Variants in SCN3A observed in about 807,000 individuals in gnomAD.
SCN3A encodes the protein sodium channel protein type 3 subunit alpha.
Under a neutral mutation model 187.6 loss-of-function variants are expected in SCN3A, and 60 were observed. The ratio of observed to expected loss-of-function variants is 0.32; its 90% CI spans 0.26 to 0.40. SCN3A has a LOEUF of 0.40. SCN3A is among the 10% of genes least tolerant of loss of function. The pLI, the probability that SCN3A is intolerant of heterozygous loss-of-function variation, is 1.00. For missense variants in SCN3A, 1,601 were observed against 2,428.2 expected, an observed-to-expected ratio of 0.66 and a Z score of 7.16; for synonymous variants, 788 against 829.2, an observed-to-expected ratio of 0.95 and a Z score of 0.85.
rs1392430935 is a variant in SCN3A at position 165,113,865 on chromosome 2, C to G, written c.3620G>C (p.Trp1207Ser). The G allele has an allele frequency of 6.2e-7, 1 of 1,613,902 alleles. No individual in the cohort carries two copies. Among genetic ancestry groups the G allele is most frequent in the Admixed American group, 1.7e-5 (1 of 59,998 alleles). ...CATGAACACAATGAAAGTCTCAAACCAGTTGTGCTCAACAATACTGTAGCA... is the reference window on the plus strand; with the variant it reads ...CATGAACACAATGAAAGTCTCAAACGAGTTGTGCTCAACAATACTGTAGCA... The part of the protein sequence containing the change: ...KTCYSIVEHN[W>S]FETFIVFMIL... The change falls in exon 20 of 28, where the codon TGG (tryptophan) becomes TCG (serine). Residue 1207 changes from tryptophan to serine, a missense_variant. This residue lies in a region of SCN3A where 267 missense variants were observed against 313.2 expected (regional missense o/e 0.85). Coordinates refer to ENST00000283254, the MANE Select transcript of SCN3A (RefSeq NM_006922.4).
At chr2:165,153,262 A>G (rs1020772281) in intron 11 of SCN3A, among the ~76,000 whole-genome samples, 3 of 152,172 alleles carry the variant, frequency 2.0e-5, no homozygotes, top group Non-Finnish European at 2.9e-5. Context: ...GTGAATCTCA[A>G]CATATCACTC....
intron 12 of SCN3A, among the ~76,000 whole-genome samples, chr2:165,145,828 G>A (rs777518957): frequency 1.3e-5 from 2 of 152,072 alleles, no homozygotes; most frequent in East Asian, 1.9e-4. Flanking sequence ...ATGATTAGAA[G>A]CATTTGCAAT....
At chr2:165,188,935 A>G (rs1189974991) in intron 1 of SCN3A, among the ~76,000 whole-genome samples, 3 of 151,924 alleles carry the variant, frequency 2.0e-5, no homozygotes, top group African/African-American at 7.3e-5. Flanking sequence ...TTTTTAATAC[A>G]CTCCCTAAGT....
Position 165,100,413 on chromosome 2 carries a change from A to G in SCN3A, c.3855T>C (p.Val1285=), listed in dbSNP as rs1242250710. ...AGCCAAGAGCATTGGCTACCAGGCT[A>G]ACCAAAGAAACCTACAAAAGGAAAA... The part of the protein sequence containing the change: ...LDFLIVDVSL[V]SLVANALGYS... The change falls in exon 22 of 28, where the codon GTT becomes GTC. Residue 1285 remains valine (V), a synonymous_variant. Coordinates refer to ENST00000283254, the MANE Select transcript of SCN3A (RefSeq NM_006922.4). The G allele has an allele frequency of 5.0e-6, 8 of 1,613,834 alleles. No homozygotes were observed. The highest frequency in any genetic ancestry group is 6.8e-6 in the Non-Finnish European group (8 of 1,179,846).
At chr2:165,120,489 C>G (rs551145015) in intron 18 of SCN3A, among the ~76,000 whole-genome samples, 1 of 151,694 alleles carries the variant, frequency 6.6e-6, no homozygotes, top group African/African-American at 2.4e-5. Flanking sequence ...GCTCACATTT[C>G]ATTTATTTTC....
At chr2:165,175,077 G>A (rs1240731616) in intron 3 of SCN3A, among the ~76,000 whole-genome samples, 1 of 152,086 alleles carries the variant, frequency 6.6e-6, no homozygotes, top group African/African-American at 2.4e-5. Flanking sequence ...TAGAACAACA[G>A]GACTAATTCC....
At chr2:165,103,559 A>G (rs972445772) in intron 21 of SCN3A, among the ~76,000 whole-genome samples, 1 of 152,190 alleles carries the variant, frequency 6.6e-6, no homozygotes, top group Non-Finnish European at 1.5e-5. Context: ...CACACTACAC[A>G]GTAAATAAAT....
chr2:165,156,512 C>CAAAAAAAAAAAAAAAAAAAAAAA (rs558407270), intron 9 of SCN3A, among the ~76,000 whole-genome samples: 1 of 63,706 alleles, frequency 1.6e-5, no homozygotes, highest in Non-Finnish European at 2.9e-5. Flanking sequence ...GACTCTGACT[C>CAAAAAAAAAAAAAAAAAAAAAAA]AAAAAAAAAA....
intron 5 of SCN3A, 52 bp from the exon 6 acceptor site, chr2:165,164,572 T>G: frequency 6.2e-7 from 1 of 1,600,136 alleles, no homozygotes; most frequent in African/African-American, 1.3e-5. Flanking sequence ...ACTGTTAAAA[T>G]AAATGTTTTC....
At chr2:165,094,094 G>T in intron 26 of SCN3A, 1 of 436,202 alleles carries the variant, frequency 2.3e-6, no homozygotes, top group Non-Finnish European at 4.2e-6. Context: ...CAGGTGTGCT[G>T]TTGGTAGCAG....
At chr2:165,096,351 T>A (rs1419847649) in intron 24 of SCN3A, 116 bp downstream of exon 24, 1 of 767,044 alleles carries the variant, frequency 1.3e-6, no homozygotes, top group African/African-American at 1.8e-5. Flanking sequence ...GTTCATTTTT[T>A]ATATGCAATA....
intron 25 of SCN3A, among the ~76,000 whole-genome samples, chr2:165,095,284 C>T (rs566313966): frequency 3.9e-5 from 6 of 152,142 alleles, no homozygotes; most frequent in African/African-American, 7.2e-5. Flanking sequence ...TGGATGGGTC[C>T]GAAGGAGTGG....
At chr2:165,164,753 G>A (rs931692548) in intron 5 of SCN3A, among the ~76,000 whole-genome samples, 28 of 151,948 alleles carry the variant, frequency 1.8e-4, no homozygotes, top group Non-Finnish European at 3.2e-4. Flanking sequence ...AACTATTTGG[G>A]TTTTAGAATA....
chr2:165,199,462 C>T (rs571806446), intron 1 of SCN3A, among the ~76,000 whole-genome samples: 36 of 151,928 alleles, frequency 2.4e-4, no homozygotes, highest in Non-Finnish European at 3.1e-4. Context: ...TGTAAACTTG[C>T]TTGCAAGTTA....
chr2:165,131,050 A>G (rs1377761453), intron 16 of SCN3A, among the ~76,000 whole-genome samples, 194 bp downstream of exon 16: 1 of 152,128 alleles, frequency 6.6e-6, no homozygotes. Flanking sequence ...CCTAATCATT[A>G]TAGAGTATTT....
At position 165,118,683 on chromosome 2, in the gene SCN3A, C is replaced by T. The variant is rs191633828; in HGVS notation, c.3394-3108G>A. On this transcript the variant is annotated intron_variant, in intron 18 of 27. Coordinates refer to ENST00000283254, the MANE Select transcript of SCN3A (RefSeq NM_006922.4). ...CTCACTGTATCCTCAACATCCCAGA[C>T]GCAACTGATTCTCCCATCTCAGCCT... Among the ~76,000 whole-genome samples the T allele has an allele frequency of 3.0e-4, 46 of 152,186 alleles. No individual in the cohort carries two copies. In the East Asian group the frequency reaches 6.0e-3, roughly 20 times the overall value.
intron 11 of SCN3A, among the ~76,000 whole-genome samples, chr2:165,151,890 T>G (rs1688704794): frequency 6.6e-6 from 1 of 152,130 alleles, no homozygotes; most frequent in African/African-American, 2.4e-5. Context: ...GTTCCTACAC[T>G]GGCAAACACT....
intron 26 of SCN3A, chr2:165,093,530 A>G (rs1049051513): frequency 6.6e-6 from 1 of 152,216 alleles, no homozygotes; most frequent in Non-Finnish European, 1.5e-5. Context: ...TATATTATTA[A>G]TCATTTAGAG....
chr2:165,147,286 G>T (rs952692748), intron 11 of SCN3A, among the ~76,000 whole-genome samples: 6 of 84,520 alleles, frequency 7.1e-5, no homozygotes, highest in South Asian at 4.5e-4. Context: ...TTTTTTTTGG[G>T]GGGGGGGGGT....
Sources: gnomAD v4.1 joint callset for allele counts (sites outside exome capture counted in the v4.1 genomes callset) on GRCh38, gnomAD v4.1.1 for gene constraint, gnomAD v4.1.1 regional missense constraint, MANE v1.5 for transcripts, NCBI Gene and HGNC (gene_info 2026-07-23, HGNC 2026-07-21) for gene names.